TNFRSF21: variants seen among roughly 807,000 people sequenced by gnomAD.
TNFRSF21 encodes tumor necrosis factor receptor superfamily member 21.
A neutral mutation model predicts 45.6 loss-of-function variants in TNFRSF21; 19 were observed. The ratio of observed to expected loss-of-function variants is 0.42; its 90% CI spans 0.29 to 0.61. The LOEUF is 0.61. Ranked by LOEUF, TNFRSF21 falls within the 20% of genes least tolerant of loss-of-function variation. TNFRSF21 has a pLI of 0.23. For missense variants in TNFRSF21, 737 were observed against 851.5 expected (o/e 0.87, Z 1.67); for synonymous variants, 314 against 335.5 (o/e 0.94, Z 0.70).
chr6:47,266,034 G>A (rs1296099547), intron 3 of TNFRSF21, among the ~76,000 whole-genome samples: 1 of 152,128 alleles, frequency 6.6e-6, no homozygotes. Flanking sequence ...CCACAGCATA[G>A]CTTCCAGTTG....
intron 4 of TNFRSF21, among the ~76,000 whole-genome samples, chr6:47,240,092 C>T (rs1345591172): frequency 2.6e-5 from 4 of 152,166 alleles, no homozygotes; most frequent in Non-Finnish European, 5.9e-5. Context: ...AAAATGGTTC[C>T]ATTTAACCCC....
intron 3 of TNFRSF21, among the ~76,000 whole-genome samples, chr6:47,260,223 T>C (rs368088733): frequency 6.6e-6 from 1 of 152,096 alleles, no homozygotes. Context: ...CCTGTGTTTC[T>C]TGGAACCTCA....
At chr6:47,294,461 A>G (rs2113867970) in intron 1 of TNFRSF21, among the ~76,000 whole-genome samples, 1 of 152,286 alleles carries the variant, frequency 6.6e-6, no homozygotes, top group Non-Finnish European at 1.5e-5. Flanking sequence ...TTTAAAAGCG[A>G]GCAGGAGAAA....
At chr6:47,256,361 A>C (rs1764988618) in intron 3 of TNFRSF21, among the ~76,000 whole-genome samples, 1 of 152,148 alleles carries the variant, frequency 6.6e-6, no homozygotes, top group South Asian at 2.1e-4. Flanking sequence ...CCATTTCTAC[A>C]AAAAATACAA....
At chr6:47,233,832 A>G (rs1764620608) in intron 5 of TNFRSF21, among the ~76,000 whole-genome samples, 1 of 152,088 alleles carries the variant, frequency 6.6e-6, no homozygotes, top group Non-Finnish European at 1.5e-5. Context: ...TTCTTTAAAA[A>G]CTGTCATAAA....
intron 4 of TNFRSF21, among the ~76,000 whole-genome samples, chr6:47,251,168 T>C (rs1764896812): frequency 6.6e-6 from 1 of 152,136 alleles, no homozygotes; most frequent in Admixed American, 6.5e-5. Flanking sequence ...CAGCCAAAAA[T>C]CCATGTTCAT....
intron 3 of TNFRSF21, among the ~76,000 whole-genome samples, chr6:47,257,233 A>C (rs1765001684): frequency 6.6e-6 from 1 of 152,182 alleles, no homozygotes; most frequent in Admixed American, 6.5e-5. Flanking sequence ...AAAAAAGAAA[A>C]AAAAACCCAC....
At chr6:47,234,611 TC>T in intron 5 of TNFRSF21, 58 bp downstream of exon 5, 1 of 1,384,724 alleles carries the variant, frequency 7.2e-7, no homozygotes, top group Non-Finnish European at 1.0e-6. Flanking sequence ...GAGGGACGAA[TC>T]CCAGGGGCTC....
intron 1 of TNFRSF21, among the ~76,000 whole-genome samples, chr6:47,298,063 A>G (rs1178918762): frequency 1.3e-5 from 2 of 152,206 alleles, no homozygotes; most frequent in African/African-American, 4.8e-5. Context: ...AAAACACAAG[A>G]GAGCAGAAGG....
intron 4 of TNFRSF21, among the ~76,000 whole-genome samples, chr6:47,252,438 A>G (rs1764912116): frequency 6.6e-6 from 1 of 152,250 alleles, no homozygotes; most frequent in Non-Finnish European, 1.5e-5. Flanking sequence ...ATGGCCTTTC[A>G]GGGAAGTACA....
chr6:47,298,331 G>T (rs1175801961), intron 1 of TNFRSF21, among the ~76,000 whole-genome samples: 1 of 149,734 alleles, frequency 6.7e-6, no homozygotes, highest in Non-Finnish European at 1.5e-5. Context: ...TGGTGTTCCA[G>T]CTACTCAGGA....
At chr6:47,301,327 T>C (rs970008682) in intron 1 of TNFRSF21, among the ~76,000 whole-genome samples, 2 of 152,208 alleles carry the variant, frequency 1.3e-5, no homozygotes. Flanking sequence ...TGAAAAACAA[T>C]ATTAGCCCTG....
At chr6:47,235,420 C>T (rs1211751212) in intron 4 of TNFRSF21, among the ~76,000 whole-genome samples, 3 of 152,146 alleles carry the variant, frequency 2.0e-5, no homozygotes, top group Non-Finnish European at 2.9e-5. Context: ...AGGACACAGA[C>T]GCACACAGAG....
intron 4 of TNFRSF21, among the ~76,000 whole-genome samples, chr6:47,240,455 T>C (rs1015042385): frequency 6.6e-6 from 1 of 152,216 alleles, no homozygotes; most frequent in Non-Finnish European, 1.5e-5. Flanking sequence ...CTAAGGAAGT[T>C]GTATCAGCCC....
At chr6:47,252,917 G>A (rs1025822810) in intron 4 of TNFRSF21, among the ~76,000 whole-genome samples, 1 of 152,166 alleles carries the variant, frequency 6.6e-6, no homozygotes, top group Admixed American at 6.5e-5. Context: ...TTCAAAGTGT[G>A]TCATGCAAAA....
At chr6:47,301,801 T>G (rs1762867484) in intron 1 of TNFRSF21, among the ~76,000 whole-genome samples, 1 of 152,228 alleles carries the variant, frequency 6.6e-6, no homozygotes, top group South Asian at 2.1e-4. Context: ...TTGTACAGCC[T>G]GCAGAACCAT....
At chr6:47,261,100 C>G (rs4715001) in intron 3 of TNFRSF21, among the ~76,000 whole-genome samples, 2 of 151,998 alleles carry the variant, frequency 1.3e-5, no homozygotes, top group South Asian at 2.1e-4. Context: ...AACACCCCCC[C>G]AAACCTCCCT....
intron 3 of TNFRSF21, among the ~76,000 whole-genome samples, chr6:47,262,667 C>T (rs943814981): frequency 4.6e-5 from 7 of 152,114 alleles, no homozygotes; most frequent in South Asian, 2.1e-4. Flanking sequence ...ATGGAGAAAG[C>T]TGTGCAGATT....
At chr6:47,265,061 G>A (rs185595067) in intron 3 of TNFRSF21, among the ~76,000 whole-genome samples, 1 of 152,294 alleles carries the variant, frequency 6.6e-6, no homozygotes, top group East Asian at 1.9e-4. Context: ...AACTGCTGCT[G>A]CTGTTGCCAC....
Sources: allele counts gnomAD v4.1 joint callset (sites outside exome capture counted in the v4.1 genomes callset), GRCh38; gene constraint gnomAD v4.1.1; transcripts MANE v1.5; gene names NCBI Gene and HGNC (gene_info 2026-07-23, HGNC 2026-07-21).